ZNF609: variants seen among roughly 807,000 people sequenced by gnomAD.
ZNF609 encodes the protein zinc finger protein 609.
ZNF609 carries 11 observed loss-of-function variants against 109.5 expected under a neutral mutation model. That is an observed-to-expected ratio of 0.10 (90% confidence interval 0.06 to 0.17). The LOEUF (loss-of-function observed/expected upper bound fraction) is 0.17, where lower values mean the gene tolerates loss of function less well. Ranked by LOEUF, ZNF609 falls within the 10% of genes least tolerant of loss-of-function variation. The pLI is 1.00. For synonymous variants in ZNF609, 646 were observed against 662.0 expected (o/e 0.98, Z 0.37); for missense variants, 1,559 against 1,772.4 (o/e 0.88, Z 2.16).
chr15:64,475,452 G>T (rs542821861), intron 1 of ZNF609, among the ~76,000 whole-genome samples: 55 of 137,832 alleles, frequency 4.0e-4, no homozygotes, highest in Non-Finnish European at 6.4e-4. Context: ...AGAGTGCAGC[G>T]ATCTTGGCTC....
At chr15:64,460,451 C>T (rs1424592866), upstream of ZNF609, among the ~76,000 whole-genome samples, 6 of 152,154 alleles carry the variant, frequency 3.9e-5, no homozygotes, top group Middle Eastern at 3.2e-3. Context: ...ATTCCGAGAC[C>T]CAGGATTTCG....
At chr15:64,679,754 G>A (rs1896856000) in intron 6 of ZNF609, among the ~76,000 whole-genome samples, 1 of 152,162 alleles carries the variant, frequency 6.6e-6, no homozygotes, top group Admixed American at 6.5e-5. Context: ...TAAGTAATAA[G>A]TATTGATATC....
chr15:64,602,716 CTTTTTTTTT>C (rs10600561), intron 2 of ZNF609, among the ~76,000 whole-genome samples: 144 of 55,608 alleles, frequency 2.6e-3, no homozygotes, highest in Non-Finnish European at 3.9e-3. Flanking sequence ...TTTTTTCTTT[CTTTTTTTTT>C]TTTTTTTTTT....
rs758352180 is a variant in ZNF609 at position 64,680,676 on chromosome 15, C to G, written c.3976C>G (p.Arg1326Gly). The G allele has an allele frequency of 6.2e-7, 1 of 1,603,580 alleles. No homozygotes were observed. Among genetic ancestry groups the G allele is most frequent in the South Asian group, 1.1e-5 (1 of 89,920 alleles). Reference sequence around the variant, plus strand: ...TGATAAAACTTCTCAGGAGAGAGATCGAGGAGGCTGTGGGGTGGTTGGGGG... The same window carrying G: ...TGATAAAACTTCTCAGGAGAGAGATGGAGGAGGCTGTGGGGTGGTTGGGGG... ...ISDKTSQERD[R>G]GGCGVVGGGG... Residue 1326 changes from arginine (R) to glycine (G), a missense_variant, in exon 8 of 10, where the codon CGA (arginine) becomes GGA (glycine). Arg to Gly is a moderately radical substitution (Grantham distance 125). Around this residue, in one of 4 missense-constraint regions of ZNF609, gnomAD observed 1,204 missense variants for 1,314.1 expected, o/e 0.92. Coordinates refer to ENST00000326648, the MANE Select transcript of ZNF609 (RefSeq NM_015042.2).
intron 2 of ZNF609, among the ~76,000 whole-genome samples, chr15:64,552,044 T>C (rs1173052686): frequency 6.6e-6 from 1 of 152,072 alleles, no homozygotes; most frequent in Non-Finnish European, 1.5e-5. Context: ...TTTCTTATTA[T>C]TGTGTTTTGA....
intron 3 of ZNF609, among the ~76,000 whole-genome samples, chr15:64,659,040 C>T (rs1896535610): frequency 6.6e-6 from 1 of 152,108 alleles, no homozygotes; most frequent in Admixed American, 6.5e-5. Flanking sequence ...GATCTGCTCA[C>T]CTCAGCCTCC....
chr15:64,598,784 A>ATC (rs1286983380), intron 2 of ZNF609, among the ~76,000 whole-genome samples: 7 of 116,942 alleles, frequency 6.0e-5, no homozygotes, highest in South Asian at 5.4e-4. Flanking sequence ...ATATATATAT[A>ATC]TATCCTGTTA....
intron 2 of ZNF609, among the ~76,000 whole-genome samples, chr15:64,587,009 G>A (rs186546931): frequency 4.6e-5 from 7 of 152,190 alleles, no homozygotes; most frequent in Admixed American, 3.9e-4. Context: ...CCTATAAGTT[G>A]TTATCTCTGC....
chr15:64,634,825 T>C (rs1595747780), intron 3 of ZNF609, among the ~76,000 whole-genome samples: 1 of 152,092 alleles, frequency 6.6e-6, no homozygotes. Flanking sequence ...GACCACCACA[T>C]GGCAACAGCA....
intron 2 of ZNF609, among the ~76,000 whole-genome samples, chr15:64,621,121 A>G (rs1401136277): frequency 6.6e-6 from 1 of 152,208 alleles, no homozygotes; most frequent in Non-Finnish European, 1.5e-5. Flanking sequence ...GAAGAGTCCC[A>G]AGGATTGGGA....
At chr15:64,616,194 A>G (rs1168040410) in intron 2 of ZNF609, among the ~76,000 whole-genome samples, 1 of 151,836 alleles carries the variant, frequency 6.6e-6, no homozygotes, top group Non-Finnish European at 1.5e-5. Context: ...GACTTTTGCC[A>G]TGTTGCCCAG....
intron 3 of ZNF609, among the ~76,000 whole-genome samples, chr15:64,629,160 C>A (rs1488569994): frequency 2.0e-5 from 3 of 152,158 alleles, no homozygotes; most frequent in Non-Finnish European, 4.4e-5. Context: ...TTCTTGTATT[C>A]ATTTAATCAG....
intron 4 of ZNF609, among the ~76,000 whole-genome samples, chr15:64,673,642 A>G (rs1896766221): frequency 6.6e-6 from 1 of 152,228 alleles, no homozygotes; most frequent in Non-Finnish European, 1.5e-5. Flanking sequence ...TTCTGAAACC[A>G]TGACTATGGC....
intron 3 of ZNF609, among the ~76,000 whole-genome samples, chr15:64,634,500 G>T (rs1896141148): frequency 6.6e-6 from 1 of 152,098 alleles, no homozygotes; most frequent in Non-Finnish European, 1.5e-5. Flanking sequence ...GGTTTTTCCT[G>T]TGTGATTTTG....
At chr15:64,616,437 C>T (rs1367440843) in intron 2 of ZNF609, among the ~76,000 whole-genome samples, 1 of 150,786 alleles carries the variant, frequency 6.6e-6, no homozygotes, top group East Asian at 1.9e-4. Flanking sequence ...TGGCCTTTCT[C>T]TATTCTCTCA....
intron 3 of ZNF609, among the ~76,000 whole-genome samples, chr15:64,645,314 C>G (rs920272149): frequency 4.1e-4 from 63 of 151,914 alleles, no homozygotes; most frequent in African/African-American, 1.5e-3. Context: ...TGGTGTTGAA[C>G]TCCTGGGCTC....
chr15:64,681,502 G>C, intron 9 of ZNF609, 115 bp downstream of exon 9: 1 of 859,638 alleles, frequency 1.2e-6, no homozygotes, highest in Non-Finnish European at 1.9e-6. Context: ...GGAATCCATG[G>C]AACCCTGGCC....
intron 2 of ZNF609, chr15:64,528,689 GC>G: frequency 8.5e-7 from 1 of 1,170,748 alleles, no homozygotes; most frequent in Non-Finnish European, 1.3e-6. Context: ...GGCATTGTGG[GC>G]CATGAGGTGC....
chr15:64,674,357 C>T lies in ZNF609; in HGVS notation c.1503C>T (p.Asn501=). 2 of 1,614,142 alleles carry T rather than the reference C, an allele frequency of 1.2e-6. No homozygotes were observed. Among genetic ancestry groups the T allele is most frequent in the African/African-American group, 2.7e-5 (2 of 75,034 alleles). ...TCCTAATTGACTGTCCCCACCCAAA[C>T]TGCAACAAGAAGTACAAGCACATCA... is the stretch of plus-strand genomic sequence containing the variant. ...SPVLIDCPHP[N]CNKKYKHING... Residue 501 remains asparagine, a synonymous_variant, in exon 5 of 10, where the codon AAC becomes AAT. Transcript: ENST00000326648.
Sources: allele counts gnomAD v4.1 joint callset (sites outside exome capture counted in the v4.1 genomes callset), GRCh38; gene constraint gnomAD v4.1.1; regional missense constraint gnomAD v4.1.1; transcripts MANE v1.5; gene names NCBI Gene and HGNC (gene_info 2026-07-23, HGNC 2026-07-21).